Variants in PHYKPL observed in about 807,000 individuals in gnomAD.
PHYKPL encodes 5-phosphohydroxy-L-lysine phospho-lyase.
Under a neutral mutation model 51.3 loss-of-function variants are expected in PHYKPL, and 42 were observed. That is an observed-to-expected ratio of 0.82 (90% CI 0.64 to 1.06). The LOEUF is 1.06. Among genes scored for constraint, PHYKPL ranks in the 50% least tolerant of loss-of-function variants. The pLI is 0.00. For synonymous variants in PHYKPL, 264 were observed against 236.0 expected, an observed-to-expected ratio of 1.12 and a Z score of -1.09; for missense variants, 655 against 586.6, an observed-to-expected ratio of 1.12 and a Z score of -1.20.
chr5:178,214,954 G>A, intron 9 of PHYKPL, 69 bp from the exon 10 acceptor site: 1 of 1,457,942 alleles, frequency 6.9e-7, no homozygotes, highest in South Asian at 1.2e-5. Context: ...CTCAGCCTCT[G>A]GGCTCCTACC....
chr5:178,219,453 T>A (rs1431274436), intron 8 of PHYKPL, among the ~76,000 whole-genome samples: 1 of 131,758 alleles, frequency 7.6e-6, no homozygotes, highest in Non-Finnish European at 1.6e-5. Flanking sequence ...CAAATAGGCA[T>A]TTTTTTTTTT....
chr5:178,211,786 CAAAA>C (rs567621837), intron 12 of PHYKPL, 100 bp downstream of exon 12: 4 of 741,022 alleles, frequency 5.4e-6, no homozygotes, highest in African/African-American at 3.6e-5. Context: ...TCAGTCAGAA[CAAAA>C]AAAAGTCTTA....
rs761859725 is a variant in PHYKPL, at chr5:178,224,500, T to C, written c.566A>G (p.Tyr189Cys). The C allele has an allele frequency of 1.9e-6, 3 of 1,612,820 alleles. No homozygotes were observed. Among genetic ancestry groups the C allele is most frequent in the East Asian group, 2.2e-5 (1 of 44,886 alleles). The stretch of plus-strand genomic sequence containing the variant: ...GACCACACGTTTCACCTCGTTGGCA[T>C]AGGCCATAGCTGGGTTGGGGTGGTC... ...REDHPNPAMA[Y>C]ANEVKRVVSS... Residue 189 changes from tyrosine to cysteine, a missense_variant, in exon 6 of 13, where the codon TAT becomes TGT. Transcript: ENST00000308158.
chr5:178,216,473 A>T (rs940627566), intron 8 of PHYKPL: 3 of 152,230 alleles, frequency 2.0e-5, no homozygotes, highest in African/African-American at 7.2e-5. Context: ...AGCAGAGACT[A>T]TAGTGGCCAC....
intron 1 of PHYKPL, 103 bp downstream of exon 1, chr5:178,232,389 C>T: frequency 7.6e-7 from 1 of 1,321,546 alleles, no homozygotes; most frequent in Non-Finnish European, 9.6e-7. Flanking sequence ...CAGCGGCTTC[C>T]TAGCCGGAGG....
chr5:178,215,822 C>A (rs2113766386), intron 8 of PHYKPL: 1 of 175,288 alleles, frequency 5.7e-6, no homozygotes, highest in Non-Finnish European at 1.2e-5. Flanking sequence ...GTGAGCGCAG[C>A]ACGCCAAGCC....
At chr5:178,220,816 T>C (rs2113859229) in intron 8 of PHYKPL, among the ~76,000 whole-genome samples, 1 of 151,982 alleles carries the variant, frequency 6.6e-6, no homozygotes, top group South Asian at 2.1e-4. Context: ...ACAAAGATTA[T>C]AAAGCAGTCA....
chr5:178,218,073 C>A (rs1457254361), intron 8 of PHYKPL, among the ~76,000 whole-genome samples: 7 of 106,024 alleles, frequency 6.6e-5, no homozygotes, highest in African/African-American at 3.0e-4. Context: ...AAAAATTAGC[C>A]GGGCGTGGTA....
Position 178,215,589 on chromosome 5 carries a change from G to A in PHYKPL, c.928-159C>T, listed in dbSNP as rs1236726207. On this transcript the variant is annotated intron_variant, in intron 8 of 12. Coordinates refer to ENST00000308158, the MANE Select transcript of PHYKPL (RefSeq NM_153373.4). ...CGCACAGTCCTCAGCAGTAGTAAGT[G>A]GGGTTCAACATGGGCTGTCCTGGCT... 4 of 839,196 alleles carry A rather than the reference G, an allele frequency of 4.8e-6. No individual in the cohort carries two copies. In the African/African-American group the frequency reaches 6.9e-5, roughly 15 times the overall value. 52.0% of individuals were successfully genotyped at this position (839,196 alleles called of 1,614,324 possible). A position where few individuals can be genotyped will look rare whatever the true frequency, so the allele number is the denominator to read the frequency against.
At chr5:178,231,801 T>G in intron 1 of PHYKPL, 3 of 1,404,872 alleles carry the variant, frequency 2.1e-6, no homozygotes, top group Non-Finnish European at 2.8e-6. Context: ...TGTGTCCGCG[T>G]CAGTCTCCCG....
Position 178,222,544 on chromosome 5 carries a change from A to G in PHYKPL, c.738T>C (p.Asp246=), listed in dbSNP as rs780887370. ...IRKAGGVFVA[D]EIQVGFGRVG... Reference sequence around the variant, plus strand: ...CCCGGCCAAAGCCAACCTGGATCTCATCTGCAACAAAGACCCCTCCGGCCT... The same window carrying G: ...CCCGGCCAAAGCCAACCTGGATCTCGTCTGCAACAAAGACCCCTCCGGCCT... Residue 246 remains aspartate (D), a synonymous_variant, in exon 8 of 13, where the codon GAT becomes GAC. Transcript: ENST00000308158. 6.2e-7 allele frequency: 1 copy of G among 1,609,664 alleles called. No individual in the cohort carries two copies. The highest frequency in any genetic ancestry group is 1.7e-5 in the Admixed American group (1 of 59,956).
chr5:178,220,194 CAAAAA>C (rs34898072), intron 8 of PHYKPL, among the ~76,000 whole-genome samples: 2 of 95,640 alleles, frequency 2.1e-5, no homozygotes, highest in Non-Finnish European at 2.1e-5. Context: ...GACCCCGTTT[CAAAAA>C]AAAAAAAAAA....
intron 11 of PHYKPL, 63 bp from the exon 12 acceptor site, chr5:178,212,033 A>ACTT (rs1398280710): frequency 6.4e-7 from 1 of 1,564,662 alleles, no homozygotes; most frequent in African/African-American, 1.4e-5. Context: ...TGCCCTGTTG[A>ACTT]CTTCAGTGTC....
chr5:178,224,426 G>A (rs1321115830), intron 6 of PHYKPL, 22 bp downstream of exon 6: 1 of 1,544,878 alleles, frequency 6.5e-7, no homozygotes, highest in South Asian at 1.2e-5. Flanking sequence ...TGGCTGGATT[G>A]GACAGGCGCG....
intron 1 of PHYKPL, 93 bp from the exon 2 acceptor site, chr5:178,231,616 T>G: frequency 6.3e-7 from 1 of 1,592,818 alleles, no homozygotes; most frequent in Non-Finnish European, 8.6e-7. Flanking sequence ...CTTCCCAGTT[T>G]CTGGTGGCGG....
intron 8 of PHYKPL, among the ~76,000 whole-genome samples, chr5:178,221,092 G>A (rs1012726414): frequency 2.6e-5 from 4 of 152,184 alleles, no homozygotes; most frequent in African/African-American, 4.8e-5. Context: ...GGCTTCCCAG[G>A]TGCTTAGAAC....
chr5:178,213,011 GC>G lies in PHYKPL; in HGVS notation c.1264del (p.Ala422HisfsTer12). The G allele has an allele frequency of 6.2e-7, 1 of 1,614,162 alleles. No homozygotes were observed. On this transcript the variant is annotated frameshift_variant, in exon 11 of 13. Coordinates refer to ENST00000308158, the MANE Select transcript of PHYKPL (RefSeq NM_153373.4). LOFTEE classifies it high-confidence loss of function. ...ATCCAGCTTTGCCACCACCTGCCGT[GC>G]ATTGTCCAGGCTGAAGCACATTGGG... Reference protein sequence around the residue: ...KPPMCFSLDNARQVVAKLDAI... With the variant: ...KPPMCFSLDNXRQVVAKLDAI...
At chr5:178,225,269 T>C in intron 4 of PHYKPL, 86 bp downstream of exon 4, 2 of 1,519,758 alleles carry the variant, frequency 1.3e-6, no homozygotes, top group South Asian at 2.3e-5. Context: ...CCTCCCTGCC[T>C]AAGGCACCCA....
intron 3 of PHYKPL, chr5:178,228,715 G>A (rs1197461220): frequency 3.0e-6 from 2 of 676,492 alleles, no homozygotes; most frequent in East Asian, 5.4e-5. Context: ...TTGTTGGAAT[G>A]TTCTCTCCCA....
Sources: allele counts gnomAD v4.1 joint callset (sites outside exome capture counted in the v4.1 genomes callset), GRCh38; gene constraint gnomAD v4.1.1; transcripts MANE v1.5; gene names NCBI Gene and HGNC (gene_info 2026-07-23, HGNC 2026-07-21).